The following MEGF11 variants were observed in gnomAD, a reference collection of about 807,000 sequenced individuals.
MEGF11 encodes multiple EGF like domains 11.
In MEGF11, 126 loss-of-function variants were observed where a neutral mutation model predicts 146.6. The observed-to-expected ratio is 0.86, with a 90% CI of 0.74 to 1.00. MEGF11 has a LOEUF of 1.00. Ranked by LOEUF, MEGF11 falls within the 50% of genes least tolerant of loss-of-function variation. The probability of loss-of-function intolerance (pLI) is 0.00; values close to 1 mark genes in which losing one functional copy is unlikely to be tolerated. For missense variants in MEGF11, 1,509 were observed against 1,521.2 expected, an observed-to-expected ratio of 0.99 and a Z score of 0.13; for synonymous variants, 532 against 583.4, an observed-to-expected ratio of 0.91 and a Z score of 1.27.
chr15:66,156,897 C>G (rs143899720), intron 1 of MEGF11, among the ~76,000 whole-genome samples: 1 of 152,092 alleles, frequency 6.6e-6, no homozygotes, highest in Non-Finnish European at 1.5e-5. Context: ...CAGGCAGAAC[C>G]CCCTAAACCC....
chr15:66,133,367 C>G (rs1462666572), intron 1 of MEGF11, among the ~76,000 whole-genome samples: 1 of 152,232 alleles, frequency 6.6e-6, no homozygotes, highest in Non-Finnish European at 1.5e-5. Context: ...TGGGAAGCAG[C>G]AGAAGCAAAC....
chr15:66,052,732 G>T (rs2084503340), intron 5 of MEGF11, among the ~76,000 whole-genome samples: 1 of 152,076 alleles, frequency 6.6e-6, no homozygotes, highest in Non-Finnish European at 1.5e-5. Context: ...TGCACTAGGG[G>T]GCTTCTAGGA....
intron 5 of MEGF11, among the ~76,000 whole-genome samples, chr15:65,989,130 CT>C (rs564862355): frequency 6.6e-6 from 1 of 152,172 alleles, no homozygotes; most frequent in Non-Finnish European, 1.5e-5. Flanking sequence ...GGTGAGAACT[CT>C]TTTTTCCCAT....
Position 65,897,909 on chromosome 15 carries a change from A to G in MEGF11, c.*25T>C, listed in dbSNP as rs371659238. The stretch of plus-strand genomic sequence containing the variant: ...AGAGTCAGAATATTCAGTAGAGCAC[A>G]CTGCAAGAGAGAAGCTTATCCCTCT... On this transcript the variant is annotated 3_prime_UTR_variant, in exon 26 of 26. Transcript: ENST00000395614. 8.7e-6 allele frequency: 14 copies of G among 1,607,196 alleles called. No individual in the cohort carries two copies. The highest frequency in any genetic ancestry group is 1.2e-5 in the Non-Finnish European group (14 of 1,176,290).
chr15:66,111,792 G>A (rs77752601), intron 4 of MEGF11, among the ~76,000 whole-genome samples: 1 of 152,184 alleles, frequency 6.6e-6, no homozygotes, highest in Non-Finnish European at 1.5e-5. Flanking sequence ...TCCTTTAGGG[G>A]TGATTAGATA....
chr15:66,008,470 A>T (rs956207928), intron 5 of MEGF11, among the ~76,000 whole-genome samples: 4 of 151,664 alleles, frequency 2.6e-5, no homozygotes, highest in African/African-American at 4.9e-5. Context: ...GCCTAGTCTA[A>T]CTCCCTTCTT....
Position 66,154,274 on chromosome 15 carries a change from A to G in MEGF11, c.-8-25863T>C, listed in dbSNP as rs1016177175. On this transcript the variant is annotated intron_variant, in intron 1 of 25. Transcript: ENST00000395614. ...AGTTTAACACCTGAACTGTTGCTTC[A>G]CTCCATTCTCCCTCCCCAACCTCGC... Among the ~76,000 whole-genome samples the G allele has an allele frequency of 6.5e-5, 9 of 137,740 alleles. No homozygotes were observed. The East Asian group carries it at 2.1e-3, about 32-fold the overall frequency. 90.4% of individuals were successfully genotyped at this position (137,740 alleles called of 152,430 possible). A position where few individuals can be genotyped will look rare whatever the true frequency, so the allele number is the denominator to read the frequency against.
At chr15:65,981,176 CAAG>C (rs746969522) in intron 6 of MEGF11, among the ~76,000 whole-genome samples, 27 of 152,078 alleles carry the variant, frequency 1.8e-4, no homozygotes, top group Non-Finnish European at 3.4e-4. Flanking sequence ...GAAGGCTTCC[CAAG>C]GAGGAAGGCA....
intron 24 of MEGF11, among the ~76,000 whole-genome samples, chr15:65,899,759 CT>C (rs1378132646): frequency 7.9e-5 from 12 of 152,188 alleles, no homozygotes; most frequent in Non-Finnish European, 1.5e-4. Flanking sequence ...GCTTACCCCC[CT>C]GTTCTTGTCA....
chr15:66,066,134 G>T (rs1295926498), intron 5 of MEGF11, among the ~76,000 whole-genome samples: 1 of 152,198 alleles, frequency 6.6e-6, no homozygotes, highest in Non-Finnish European at 1.5e-5. Context: ...CTTCCCAAAT[G>T]CCGGAAGAGG....
chr15:66,154,687 C>G (rs2089689008), intron 1 of MEGF11, among the ~76,000 whole-genome samples: 3 of 152,208 alleles, frequency 2.0e-5, no homozygotes, highest in South Asian at 2.1e-4. Flanking sequence ...GGAGACCTGC[C>G]AGAGAAAGAC....
At chr15:66,165,099 A>G (rs1241860365) in intron 1 of MEGF11, among the ~76,000 whole-genome samples, 1 of 152,262 alleles carries the variant, frequency 6.6e-6, no homozygotes, top group Non-Finnish European at 1.5e-5. Flanking sequence ...CGTTAGAAAC[A>G]GTATTTTCCA....
chr15:65,957,062 C>T (rs903670012), intron 10 of MEGF11, among the ~76,000 whole-genome samples: 7 of 152,208 alleles, frequency 4.6e-5, no homozygotes, highest in Admixed American at 1.3e-4. Flanking sequence ...AAGATGCTCA[C>T]TGCAACATTC....
chr15:66,136,242 C>T (rs1208479756), intron 1 of MEGF11, among the ~76,000 whole-genome samples: 3 of 152,334 alleles, frequency 2.0e-5, no homozygotes, highest in East Asian at 3.9e-4. Context: ...AGTGGTGAAA[C>T]GCGGAGATCA....
At chr15:65,971,012 A>T in intron 7 of MEGF11, 1 of 357,174 alleles carries the variant, frequency 2.8e-6, no homozygotes, top group Non-Finnish European at 5.2e-6. Context: ...AGTACAAGGC[A>T]GTAAGTACTC....
intron 5 of MEGF11, among the ~76,000 whole-genome samples, chr15:66,071,660 T>G (rs965412625): frequency 6.6e-6 from 1 of 152,168 alleles, no homozygotes; most frequent in Non-Finnish European, 1.5e-5. Context: ...GGCTGTGACC[T>G]GGAGCCAGGA....
intron 5 of MEGF11, among the ~76,000 whole-genome samples, chr15:66,041,045 AAAAT>A (rs2083954929): frequency 6.6e-6 from 1 of 152,268 alleles, no homozygotes; most frequent in Admixed American, 6.5e-5. Flanking sequence ...TACCTGAATG[AAAAT>A]AAATAAATGA....
At chr15:66,195,613 T>C (rs994944524) in intron 1 of MEGF11, among the ~76,000 whole-genome samples, 8 of 152,202 alleles carry the variant, frequency 5.3e-5, no homozygotes, top group Non-Finnish European at 1.0e-4. Flanking sequence ...TCCATCTTAC[T>C]TGGACTCCTA....
chr15:66,206,208 A>G (rs1169002992), intron 1 of MEGF11, among the ~76,000 whole-genome samples: 1 of 152,226 alleles, frequency 6.6e-6, no homozygotes, highest in African/African-American at 2.4e-5. Context: ...TGGAAAACAA[A>G]ACAACAGAAA....
Sources: allele counts gnomAD v4.1 joint callset (sites outside exome capture counted in the v4.1 genomes callset), GRCh38; gene constraint gnomAD v4.1.1; transcripts MANE v1.5; gene names NCBI Gene and HGNC (gene_info 2026-07-23, HGNC 2026-07-21).